The following MACF1 variants were observed in gnomAD, a reference collection of about 807,000 sequenced individuals.
The protein encoded by MACF1 is microtubule actin crosslinking factor 1, also known as microtubule-actin cross-linking factor 1.
A neutral mutation model predicts 854.8 loss-of-function variants in MACF1; 193 were observed. The ratio of observed to expected loss-of-function variants is 0.23; its 90% confidence interval spans 0.20 to 0.25. The LOEUF (loss-of-function observed/expected upper bound fraction) is 0.25. MACF1 is among the 10% of genes least tolerant of loss of function. MACF1 has a pLI of 1.00. For missense variants in MACF1, 7,722 were observed against 8,929.1 expected (o/e 0.86, Z 5.45); for synonymous variants, 3,185 against 3,226.7 (o/e 0.99, Z 0.44).
chr1:39,266,594 C>CTTTTTTTTTTTT (rs11406070), intron 6 of MACF1, among the ~76,000 whole-genome samples: 2 of 58,126 alleles, frequency 3.4e-5, no homozygotes, highest in African/African-American at 1.5e-4. Flanking sequence ...TGGTCTTTTC[C>CTTTTTTTTTTTT]TTTTTTTTTT....
At chr1:39,398,376 T>G (rs658255) in intron 58 of MACF1, among the ~76,000 whole-genome samples, 20,004 of 151,940 alleles carry the variant, frequency 0.13, 2,584 homozygotes, top group African/African-American at 0.33. Flanking sequence ...TGAGCTCAAA[T>G]GATCTGCCTA....
intron 38 of MACF1, 54 bp downstream of exon 38, chr1:39,337,385 A>G (rs1390610039): frequency 6.3e-7 from 1 of 1,584,940 alleles, no homozygotes; most frequent in Non-Finnish European, 8.6e-7. Context: ...AGCTGCCTCC[A>G]TCTTCCTTGA....
chr1:39,349,007 A>G (rs534859880), intron 41 of MACF1, among the ~76,000 whole-genome samples: 18 of 152,324 alleles, frequency 1.2e-4, no homozygotes, highest in African/African-American at 3.6e-4. Flanking sequence ...TCAATTATTA[A>G]GAAGCTCGAT....
intron 2 of MACF1, among the ~76,000 whole-genome samples, chr1:39,239,660 A>G (rs1644899423): frequency 6.6e-6 from 1 of 152,242 alleles, no homozygotes; most frequent in East Asian, 1.9e-4. Flanking sequence ...TAAAGAGAAC[A>G]TGAAAGTATG....
intron 6 of MACF1, among the ~76,000 whole-genome samples, chr1:39,259,421 C>T (rs1645132317): frequency 6.6e-6 from 1 of 151,906 alleles, no homozygotes; most frequent in Admixed American, 6.6e-5. Context: ...GCCAACATGC[C>T]TGGCTAATTT....
Position 39,378,456 on chromosome 1 carries a change from C to T in MACF1, c.13214-5C>T, listed in dbSNP as rs1203686591. ...CCCTGTTTGTCTCCCTGTCCTTCTG[C>T]TCAGGTTCCATACTGCCCTCTGTAG... On this transcript the variant is annotated splice_polypyrimidine_tract_variant and splice_region_variant and intron_variant, in intron 52 of 100. Transcript: ENST00000564288. The T allele has an allele frequency of 6.2e-7, 1 of 1,613,360 alleles. No individual in the cohort carries two copies. Among genetic ancestry groups the T allele is most frequent in the South Asian group, 1.1e-5 (1 of 91,054 alleles).
chr1:39,251,862 A>G lies in MACF1; in HGVS notation c.278A>G (p.Lys93Arg). 2 of 1,492,790 alleles carry G rather than the reference A, an allele frequency of 1.3e-6. No homozygotes were observed. The highest frequency in any genetic ancestry group is 1.8e-6 in the Non-Finnish European group (2 of 1,124,506). 92.5% of individuals were successfully genotyped at this position (1,492,790 alleles called of 1,614,324 possible). ...TGGCCAAAGGAGCCAGCAGGGCTGA[A>G]GACCCTCCGTCTGGTGAGCATGCCC... ...SGIKLEPAGLKTLRLVSMPSW... is the reference protein window; with the variant it reads ...SGIKLEPAGLRTLRLVSMPSW... Residue 93 changes from lysine (K) to arginine (R), a missense_variant, in exon 4 of 101, where the codon AAG becomes AGG. Physicochemically the swap from Lys to Arg is conservative, Grantham distance 26 (BLOSUM62 2). This residue lies in a region of MACF1 where 82 missense variants were observed against 84.0 expected (regional missense o/e 0.98). Transcript: ENST00000564288.
Position 39,485,830 on chromosome 1 carries a change from G to A in MACF1, c.*36G>A. On this transcript the variant is annotated 3_prime_UTR_variant, in exon 101 of 101. Coordinates refer to ENST00000564288, the MANE Select transcript of MACF1 (RefSeq NM_001394062.1). ...GCACCCCCAAGCCACTATCCACTTT[G>A]AATCCTGCTCCATACATTGGGTGTA... 1 of 1,538,816 alleles carries A rather than the reference G, an allele frequency of 6.5e-7. No individual in the cohort carries two copies. The highest frequency in any genetic ancestry group is 8.8e-7 in the Non-Finnish European group (1 of 1,141,058).
chr1:39,400,828 A>T (rs1642451350), intron 58 of MACF1, among the ~76,000 whole-genome samples: 1 of 152,176 alleles, frequency 6.6e-6, no homozygotes, highest in South Asian at 2.1e-4. Context: ...TTTTAATAAG[A>T]ACAGTTACCC....
At chr1:39,132,998 C>T (rs888689353) in intron 2 of MACF1, among the ~76,000 whole-genome samples, 2 of 152,182 alleles carry the variant, frequency 1.3e-5, no homozygotes, top group African/African-American at 4.8e-5. Flanking sequence ...GTGGATTCTG[C>T]TCTTGCCACA....
chr1:39,341,285 C>T (rs1426694384), intron 40 of MACF1, among the ~76,000 whole-genome samples: 2 of 151,530 alleles, frequency 1.3e-5, no homozygotes, highest in African/African-American at 2.4e-5. Flanking sequence ...CCGCCCACCT[C>T]GGCCTCCCAA....
At chr1:39,311,415 C>T (rs993779191) in intron 26 of MACF1, among the ~76,000 whole-genome samples, 6 of 152,194 alleles carry the variant, frequency 3.9e-5, no homozygotes, top group Non-Finnish European at 8.8e-5. Flanking sequence ...GATACATGCT[C>T]TGTCTGTGAC....
chr1:39,443,144 T>C (rs1350150044), intron 78 of MACF1, among the ~76,000 whole-genome samples: 1 of 152,266 alleles, frequency 6.6e-6, no homozygotes, highest in East Asian at 1.9e-4. Context: ...AGATCTTCAC[T>C]ATAACAGATT....
intron 6 of MACF1, among the ~76,000 whole-genome samples, chr1:39,265,599 T>C (rs529344897): frequency 6.6e-6 from 1 of 152,334 alleles, no homozygotes; most frequent in African/African-American, 2.4e-5. Context: ...CAAAGCCTGT[T>C]TGATAGTAAA....
At chr1:39,390,838 T>A (rs954027773) in intron 58 of MACF1, among the ~76,000 whole-genome samples, 4 of 152,200 alleles carry the variant, frequency 2.6e-5, no homozygotes, top group African/African-American at 7.2e-5. Flanking sequence ...CCGGGTGCGG[T>A]GGCTCACGCC....
At position 39,253,225 on chromosome 1, in the gene MACF1, C is replaced by T. The variant is rs570366884; in HGVS notation, c.358-1073C>T. Among the ~76,000 whole-genome samples the T allele has an allele frequency of 2.2e-4, 33 of 152,252 alleles. 1 individual carries two copies. The highest frequency in any genetic ancestry group is 7.9e-4 in the African/African-American group (33 of 41,538). The stretch of plus-strand genomic sequence containing the variant: ...TGAGCCTTGGACGGGGTACCAGAGG[C>T]ACTGGGTAGAGATGGGGTTCTCTCC... On this transcript the variant is annotated intron_variant, in intron 4 of 100. Coordinates refer to ENST00000564288, the MANE Select transcript of MACF1 (RefSeq NM_001394062.1).
At chr1:39,450,802 A>G (rs955763888) in intron 84 of MACF1, among the ~76,000 whole-genome samples, 1 of 151,550 alleles carries the variant, frequency 6.6e-6, no homozygotes, top group East Asian at 1.9e-4. Context: ...TAGTAGAGAC[A>G]GGGTTTCACC....
intron 2 of MACF1, among the ~76,000 whole-genome samples, chr1:39,102,460 C>T (rs1017614966): frequency 2.6e-5 from 4 of 151,788 alleles, no homozygotes; most frequent in Non-Finnish European, 5.9e-5. Context: ...GAAGGCTTTC[C>T]CCTGGGGAGT....
chr1:39,329,727 A>G (rs1012395516), intron 36 of MACF1, among the ~76,000 whole-genome samples: 1 of 152,234 alleles, frequency 6.6e-6, no homozygotes, highest in African/African-American at 2.4e-5. Flanking sequence ...AAGTGGTTAA[A>G]CACTTAAATA....
Sources: gnomAD v4.1 joint callset for allele counts (sites outside exome capture counted in the v4.1 genomes callset) on GRCh38, gnomAD v4.1.1 for gene constraint, gnomAD v4.1.1 regional missense constraint, MANE v1.5 for transcripts, NCBI Gene and HGNC (gene_info 2026-07-23, HGNC 2026-07-21) for gene names.